Variants in ARHGAP39 observed in about 807,000 individuals in gnomAD.
The protein encoded by ARHGAP39 is Rho GTPase activating protein 39, also known as rho GTPase-activating protein 39.
ARHGAP39 carries 44 observed loss-of-function variants against 106.9 expected under a neutral mutation model. That is an observed-to-expected ratio of 0.41 (90% CI 0.32 to 0.53). The LOEUF (loss-of-function observed/expected upper bound fraction) is 0.53, where lower values mean the gene tolerates loss of function less well. Among genes scored for constraint, ARHGAP39 ranks in the 20% least tolerant of loss-of-function variants. The pLI is 0.21. For missense variants in ARHGAP39, 1,496 were observed against 1,577.3 expected (o/e 0.95, Z 0.87); for synonymous variants, 768 against 693.2 (o/e 1.11, Z -1.69).
intron 1 of ARHGAP39, among the ~76,000 whole-genome samples, chr8:144,657,182 C>G (rs925294796): frequency 1.3e-5 from 2 of 149,766 alleles, no homozygotes; most frequent in Non-Finnish European, 3.0e-5. Flanking sequence ...TTGTTTGAAC[C>G]CAAAAGTTCA....
At chr8:144,663,724 A>G (rs151023808) in intron 1 of ARHGAP39, among the ~76,000 whole-genome samples, 5 of 152,118 alleles carry the variant, frequency 3.3e-5, no homozygotes, top group Admixed American at 6.5e-5. Context: ...GGACTCCCCA[A>G]CCGACACTCC....
chr8:144,674,036 C>T (rs1822169400), intron 1 of ARHGAP39, among the ~76,000 whole-genome samples: 1 of 152,208 alleles, frequency 6.6e-6, no homozygotes, highest in Non-Finnish European at 1.5e-5. Flanking sequence ...AAGAGGGTGT[C>T]ACAGCCCTGG....
chr8:144,609,397 CTTTTTTTTTTTT>C (rs779442641), intron 1 of ARHGAP39, among the ~76,000 whole-genome samples: 2 of 121,332 alleles, frequency 1.6e-5, no homozygotes, highest in African/African-American at 6.3e-5. Context: ...ATGTATTGTC[CTTTTTTTTTTTT>C]TTTTTTTTTT....
chr8:144,608,042 A>T (rs1350275241), intron 1 of ARHGAP39, among the ~76,000 whole-genome samples: 1 of 151,574 alleles, frequency 6.6e-6, no homozygotes, highest in Non-Finnish European at 1.5e-5. Flanking sequence ...CCGAAATCCC[A>T]GCTACGCAGG....
chr8:144,620,691 C>T (rs1820782190), intron 1 of ARHGAP39, among the ~76,000 whole-genome samples: 1 of 152,252 alleles, frequency 6.6e-6, no homozygotes, highest in South Asian at 2.1e-4. Context: ...GCTCCAAACC[C>T]AATTCAGGTC....
chr8:144,666,574 C>T (rs900207067), intron 1 of ARHGAP39, among the ~76,000 whole-genome samples: 6 of 152,124 alleles, frequency 3.9e-5, no homozygotes, highest in African/African-American at 9.7e-5. Flanking sequence ...ATAAGTCTCA[C>T]GAGATCTAAT....
intron 1 of ARHGAP39, among the ~76,000 whole-genome samples, chr8:144,635,680 G>A (rs113112225): frequency 6.6e-5 from 10 of 152,300 alleles, no homozygotes; most frequent in African/African-American, 9.6e-5. Context: ...GCGCTTACCC[G>A]GTGGGATCTG....
At chr8:144,650,652 A>G (rs972450701) in intron 1 of ARHGAP39, among the ~76,000 whole-genome samples, 1 of 152,186 alleles carries the variant, frequency 6.6e-6, no homozygotes, top group Admixed American at 6.6e-5. Context: ...TAAAGACAAA[A>G]ACCACATGAT....
chr8:144,530,389 G>C lies in ARHGAP39; in HGVS notation c.*33C>G, dbSNP rs1443139907. ...GCGGAGTTCGGCCTGGCTGGGGGCG[G>C]CAGGACATCCCTCCTGTCCCCGGGC... On this transcript the variant is annotated 3_prime_UTR_variant, in exon 12 of 12. Transcript: ENST00000377307. 6.4e-7 allele frequency: 1 copy of C among 1,558,122 alleles called. No individual in the cohort carries two copies. Among genetic ancestry groups the C allele is most frequent in the Admixed American group, 1.8e-5 (1 of 54,966 alleles).
At chr8:144,632,188 C>T (rs938668911) in intron 1 of ARHGAP39, among the ~76,000 whole-genome samples, 5 of 152,210 alleles carry the variant, frequency 3.3e-5, no homozygotes, top group African/African-American at 1.2e-4. Context: ...ATAAGTTGCA[C>T]ACCTTAAGAT....
At chr8:144,638,308 T>C (rs1341645491) in intron 1 of ARHGAP39, among the ~76,000 whole-genome samples, 1 of 152,210 alleles carries the variant, frequency 6.6e-6, no homozygotes, top group Non-Finnish European at 1.5e-5. Context: ...GTTTTGGAGC[T>C]TTCCTATGAT....
intron 3 of ARHGAP39, among the ~76,000 whole-genome samples, chr8:144,578,930 C>T (rs1818864976): frequency 6.6e-6 from 1 of 152,014 alleles, no homozygotes; most frequent in African/African-American, 2.4e-5. Context: ...AAAAAGGGGC[C>T]AGGCGTGGTG....
At chr8:144,687,703 C>T (rs1461350936), upstream of ARHGAP39, among the ~76,000 whole-genome samples, 23 of 119,492 alleles carry the variant, frequency 1.9e-4, no homozygotes, top group South Asian at 8.0e-4. Flanking sequence ...TGACCACACA[C>T]TAGCGGTGAG....
In ARHGAP39 at chr8:144,547,457, G is replaced by A. The variant is rs147013828; in HGVS notation, c.1629C>T (p.Ala543=). The A allele has an allele frequency of 8.0e-4, 1,244 of 1,562,896 alleles. 10 individuals are homozygous for A. In the African/African-American group the frequency reaches 0.015, roughly 18 times the overall value. Residue 543 remains alanine (A), a synonymous_variant, in exon 5 of 12, where the codon GCC becomes GCT. Transcript: ENST00000377307. The surrounding 1 kb of genome is among the most constrained non-coding windows in gnomAD (Gnocchi z 5.2). ...GCTCGGCCGCGCCCCGCGCCCCTTC[G>A]GCCTCACCTTCCGCTCGCTTCACGG... ...LAPVKRAEGE[A]EGARGAAEPF... is the part of the protein sequence containing the mutation.
chr8:144,567,896 C>T (rs563740095), intron 3 of ARHGAP39, among the ~76,000 whole-genome samples: 11 of 152,116 alleles, frequency 7.2e-5, no homozygotes, highest in Admixed American at 2.6e-4. Flanking sequence ...TAAATATCAG[C>T]GCAGCCTGGC....
intron 3 of ARHGAP39, among the ~76,000 whole-genome samples, chr8:144,557,146 G>C (rs917741906): frequency 1.6e-4 from 24 of 147,002 alleles, no homozygotes; most frequent in Non-Finnish European, 3.2e-4. Context: ...ATAGTATTCA[G>C]AGGCAAAAGG....
At chr8:144,619,698 TTG>T (rs1295161370) in intron 1 of ARHGAP39, among the ~76,000 whole-genome samples, 2 of 143,638 alleles carry the variant, frequency 1.4e-5, no homozygotes, top group South Asian at 2.2e-4. Context: ...GCATGAGAGC[TTG>T]TGTGTCCCTG....
rs147670929 is a variant in ARHGAP39, at chr8:144,621,957, A to G, written c.-81-16262T>C. Among the ~76,000 whole-genome samples the G allele has an allele frequency of 5.2e-3, 787 of 152,382 alleles. 6 individuals carry two copies. Among genetic ancestry groups the G allele is most frequent in the Middle Eastern group, 0.024 (7 of 294 alleles). On this transcript the variant is annotated intron_variant, in intron 1 of 11. Coordinates refer to ENST00000377307, the MANE Select transcript of ARHGAP39 (RefSeq NM_025251.3). ...TCCTCAGAAGAGCTGAGTGACTGCG[A>G]CTTGGGTAGGAAGACTCAGAATGCA... is the stretch of plus-strand genomic sequence containing the variant.
chr8:144,614,237 C>T (rs1390544907), intron 1 of ARHGAP39, among the ~76,000 whole-genome samples: 1 of 152,196 alleles, frequency 6.6e-6, no homozygotes, highest in Non-Finnish European at 1.5e-5. Flanking sequence ...GGATTTTTCA[C>T]TCCAGTATGG....
Sources: gnomAD v4.1 joint callset for allele counts (sites outside exome capture counted in the v4.1 genomes callset) on GRCh38, gnomAD v4.1.1 for gene constraint, Gnocchi (gnomAD v3.1) non-coding constraint, MANE v1.5 for transcripts, NCBI Gene and HGNC (gene_info 2026-07-23, HGNC 2026-07-21) for gene names.